NPAS2: variants seen among roughly 807,000 people sequenced by gnomAD.
The protein encoded by NPAS2 is neuronal PAS domain protein 2.
In NPAS2, 23 loss-of-function variants were observed where a neutral mutation model predicts 107.5. That is an observed-to-expected ratio of 0.21 (90% CI 0.15 to 0.30). The LOEUF (loss-of-function observed/expected upper bound fraction) is 0.30, where lower values mean the gene tolerates loss of function less well. Among genes scored for constraint, NPAS2 ranks in the 10% least tolerant of loss-of-function variants. The pLI is 1.00. For synonymous variants in NPAS2, 403 were observed against 417.5 expected (o/e 0.97, Z 0.42); for missense variants, 756 against 1,043.3 (o/e 0.72, Z 3.79).
At chr2:100,878,277 C>G (rs1680113632) in intron 1 of NPAS2, 1 of 985,362 alleles carries the variant, frequency 1.0e-6, no homozygotes, top group African/African-American at 1.7e-5. Context: ...GGGAGGGAGC[C>G]AGGAGTGAGG....
intron 7 of NPAS2, among the ~76,000 whole-genome samples, chr2:100,951,791 A>G (rs1280590545): frequency 2.0e-5 from 3 of 152,138 alleles, no homozygotes. Context: ...ACTCAGCCCT[A>G]CTGAACTGTG....
chr2:100,854,067 T>C (rs151266910), intron 1 of NPAS2, among the ~76,000 whole-genome samples: 1 of 146,916 alleles, frequency 6.8e-6, no homozygotes, highest in East Asian at 2.0e-4. Context: ...GGGAGATCAG[T>C]TGAGCCTGGG....
chr2:100,849,008 G>A (rs1677974721), intron 1 of NPAS2, among the ~76,000 whole-genome samples: 1 of 152,210 alleles, frequency 6.6e-6, no homozygotes, highest in African/African-American at 2.4e-5. Context: ...TACGTTTTCT[G>A]TGCATTCATC....
intron 1 of NPAS2, among the ~76,000 whole-genome samples, chr2:100,896,003 C>T (rs1033204105): frequency 1.3e-5 from 2 of 152,196 alleles, no homozygotes; most frequent in South Asian, 2.1e-4. Flanking sequence ...TCAGTGTCAC[C>T]TCCCTTAGCA....
intron 1 of NPAS2, among the ~76,000 whole-genome samples, chr2:100,900,501 G>A (rs1382067233): frequency 6.6e-6 from 1 of 152,136 alleles, no homozygotes; most frequent in Non-Finnish European, 1.5e-5. Context: ...TTGGAAAACA[G>A]CCTGGCAGTT....
At position 100,912,247 on chromosome 2, in the gene NPAS2, T is replaced by A. The variant is rs889267925; in HGVS notation, c.32+7461T>A. On this transcript the variant is annotated intron_variant, in intron 2 of 20. Transcript: ENST00000335681. The stretch of plus-strand genomic sequence containing the variant: ...TTATTTATTTATTTATTTATTTATT[T>A]ATTTATTTATTATTATTATTTTGCT... Among the ~76,000 whole-genome samples the A allele has an allele frequency of 1.8e-3, 195 of 108,280 alleles. 1 individual carries two copies. Among genetic ancestry groups the A allele is most frequent in the African/African-American group, 6.9e-3 (184 of 26,658 alleles). The allele number at this position is 108,280 out of a possible 152,430, so 71.0% of individuals were successfully genotyped here.
chr2:100,885,632 C>G (rs1018131567), intron 1 of NPAS2, among the ~76,000 whole-genome samples: 4 of 152,128 alleles, frequency 2.6e-5, no homozygotes, highest in African/African-American at 9.7e-5. Context: ...AATGCTGTTG[C>G]ATTATAAGAA....
chr2:100,971,050 G>A lies in NPAS2; in HGVS notation c.1116G>A (p.Glu372=). 6.2e-7 allele frequency: 1 copy of A among 1,614,162 alleles called. No homozygotes were observed. The highest frequency in any genetic ancestry group is 2.2e-5 in the East Asian group (1 of 44,868). ...TGGCTCTGGAAGACCCGCCATCCGA[G>A]GCCCTCCACTCCTCAGCACTAAAGG... ...QELALEDPPS[E]ALHSSALKDK... Residue 372 remains glutamate (E), a synonymous_variant, in exon 12 of 21, where the codon GAG becomes GAA. Coordinates refer to ENST00000335681, the MANE Select transcript of NPAS2 (RefSeq NM_002518.4).
chr2:100,979,716 G>A (rs1228700727), intron 15 of NPAS2, among the ~76,000 whole-genome samples: 4 of 151,806 alleles, frequency 2.6e-5, no homozygotes, highest in Non-Finnish European at 5.9e-5. Context: ...TTTTTGTGGA[G>A]ACGGGGTTTC....
chr2:100,863,066 G>T (rs1679043683), intron 1 of NPAS2, among the ~76,000 whole-genome samples: 1 of 152,170 alleles, frequency 6.6e-6, no homozygotes, highest in African/African-American at 2.4e-5. Flanking sequence ...TGCCACCATG[G>T]CAGTCACCTA....
intron 15 of NPAS2, among the ~76,000 whole-genome samples, chr2:100,979,126 G>C (rs1677238319): frequency 6.6e-6 from 1 of 152,142 alleles, no homozygotes; most frequent in Admixed American, 6.5e-5. Flanking sequence ...CCTGGAGTAA[G>C]ACACATGCTA....
chr2:100,930,243 A>G (rs899980192), intron 3 of NPAS2, among the ~76,000 whole-genome samples: 2 of 152,190 alleles, frequency 1.3e-5, no homozygotes, highest in East Asian at 3.9e-4. Context: ...GTCTGTCTTC[A>G]TGGATGGAAG....
In NPAS2 at chr2:100,953,297, C is replaced by G. The variant is rs112830302; in HGVS notation, c.598+3817C>G. On this transcript the variant is annotated intron_variant, in intron 7 of 20. Coordinates refer to ENST00000335681, the MANE Select transcript of NPAS2 (RefSeq NM_002518.4). ...GGTGAGGCAGGAGAATGGCTTGAAC[C>G]CGGGAGGCGGAGGTTACAGTGAGTC... Among the ~76,000 whole-genome samples, 1,150 of 150,958 alleles carry G rather than the reference C, an allele frequency of 7.6e-3. 5 individuals are homozygous for G. The highest frequency in any genetic ancestry group is 0.011 in the Non-Finnish European group (726 of 67,768).
chr2:100,875,364 T>G (rs1679888082), intron 1 of NPAS2, among the ~76,000 whole-genome samples: 1 of 152,196 alleles, frequency 6.6e-6, no homozygotes, highest in Non-Finnish European at 1.5e-5. Context: ...CTTAATGCCA[T>G]TGAACTGTAC....
intron 1 of NPAS2, among the ~76,000 whole-genome samples, chr2:100,883,279 G>A (rs1359284147): frequency 6.6e-6 from 1 of 152,220 alleles, no homozygotes; most frequent in Non-Finnish European, 1.5e-5. Context: ...ATCAGTGACT[G>A]GGTTTATGCC....
At chr2:100,928,573 G>C (rs1002826017) in intron 3 of NPAS2, among the ~76,000 whole-genome samples, 1 of 152,162 alleles carries the variant, frequency 6.6e-6, no homozygotes, top group Admixed American at 6.5e-5. Context: ...TTTTTCATAA[G>C]ATGAAGGCCT....
intron 1 of NPAS2, among the ~76,000 whole-genome samples, chr2:100,843,235 T>C (rs766297980): frequency 6.8e-6 from 1 of 146,622 alleles, no homozygotes; most frequent in Non-Finnish European, 1.5e-5. Flanking sequence ...AAAAAAATGC[T>C]GGCATCTGTT....
chr2:100,939,601 C>T (rs1040491959), intron 5 of NPAS2, among the ~76,000 whole-genome samples: 16 of 152,070 alleles, frequency 1.1e-4, no homozygotes, highest in African/African-American at 3.6e-4. Context: ...CTTTGGAGGG[C>T]GCTTGTGTTT....
At chr2:100,883,967 T>C (rs917805193) in intron 1 of NPAS2, among the ~76,000 whole-genome samples, 1 of 152,082 alleles carries the variant, frequency 6.6e-6, no homozygotes, top group Non-Finnish European at 1.5e-5. Context: ...TGAAGCATCT[T>C]GTGAGTTTGT....
Sources: gnomAD v4.1 joint callset for allele counts (sites outside exome capture counted in the v4.1 genomes callset) on GRCh38, gnomAD v4.1.1 for gene constraint, MANE v1.5 for transcripts, NCBI Gene and HGNC (gene_info 2026-07-23, HGNC 2026-07-21) for gene names.